CD82: variants seen among roughly 807,000 people sequenced by gnomAD.
CD82 encodes the protein CD82 antigen.
A neutral mutation model predicts 37.4 loss-of-function variants in CD82; 36 were observed. The ratio of observed to expected loss-of-function variants is 0.96; its 90% confidence interval spans 0.74 to 1.27. The LOEUF (loss-of-function observed/expected upper bound fraction) is 1.27. Ranked by LOEUF, CD82 falls within the 50% of genes most tolerant of loss-of-function variation. The pLI, the probability that CD82 is intolerant of heterozygous loss-of-function variation, is 0.00. For missense variants in CD82, 340 were observed against 347.0 expected (o/e 0.98, Z 0.16); for synonymous variants, 158 against 137.4 (o/e 1.15, Z -1.05).
chr11:44,565,296 C>G (rs868631960), upstream of CD82, among the ~76,000 whole-genome samples: 8 of 152,168 alleles, frequency 5.3e-5, 1 homozygote, highest in African/African-American at 4.8e-5. Flanking sequence ...TGGGAGGGCC[C>G]GGGAGGAGAC....
At chr11:44,584,152 C>A (rs1853020158) in intron 1 of CD82, among the ~76,000 whole-genome samples, 1 of 152,176 alleles carries the variant, frequency 6.6e-6, no homozygotes. Flanking sequence ...CTCCAACAAT[C>A]CCATGAGATG....
At chr11:44,609,111 A>G (rs1052239395) in intron 6 of CD82, among the ~76,000 whole-genome samples, 1 of 152,188 alleles carries the variant, frequency 6.6e-6, no homozygotes, top group African/African-American at 2.4e-5. Context: ...TAAGATCCTC[A>G]TCTGCTTGTT....
chr11:44,593,402 G>T (rs1853173812), intron 2 of CD82, among the ~76,000 whole-genome samples: 2 of 152,238 alleles, frequency 1.3e-5, no homozygotes, highest in Non-Finnish European at 2.9e-5. Flanking sequence ...CAGCTGTCCA[G>T]GCCCCAGCTG....
At chr11:44,596,118 C>T (rs548849475) in intron 3 of CD82, among the ~76,000 whole-genome samples, 10 of 152,348 alleles carry the variant, frequency 6.6e-5, no homozygotes, top group Admixed American at 5.9e-4. Flanking sequence ...CTGTGAGGCC[C>T]CACTGTGGCT....
chr11:44,615,583 G>A (rs542415406), intron 7 of CD82, among the ~76,000 whole-genome samples: 1 of 152,340 alleles, frequency 6.6e-6, no homozygotes, highest in Admixed American at 6.5e-5. Flanking sequence ...CAGCTTCACA[G>A]CTCTGTGCTC....
chr11:44,573,670 G>A (rs1451831706), intron 1 of CD82, among the ~76,000 whole-genome samples: 2 of 152,160 alleles, frequency 1.3e-5, no homozygotes, highest in Non-Finnish European at 2.9e-5. Context: ...GCCAGGAGAC[G>A]GTATGGCATG....
intron 9 of CD82, 44 bp from the exon 10 acceptor site, chr11:44,619,005 C>T (rs770993959): frequency 8.4e-6 from 13 of 1,545,444 alleles, no homozygotes; most frequent in Non-Finnish European, 1.8e-6. Context: ...GCGTCTGAGG[C>T]CGGGACACCC....
intron 6 of CD82, among the ~76,000 whole-genome samples, chr11:44,608,914 G>T (rs115170042): frequency 0.016 from 2,453 of 152,372 alleles, 76 homozygotes; most frequent in African/African-American, 0.057. Context: ...ACTAACAAAC[G>T]GGAAGGGCGT....
At chr11:44,610,265 C>T (rs538712857) in intron 6 of CD82, among the ~76,000 whole-genome samples, 1 of 152,280 alleles carries the variant, frequency 6.6e-6, no homozygotes, top group African/African-American at 2.4e-5. Flanking sequence ...TGATTTGTTC[C>T]TGTGGTCCTA....
Position 44,576,965 on chromosome 11 carries a change from G to A in CD82, c.-102-10510G>A, listed in dbSNP as rs538375125. Among the ~76,000 whole-genome samples the A allele has an allele frequency of 1.8e-4, 28 of 152,210 alleles. No homozygotes were observed. In the Middle Eastern group the frequency reaches 0.01, roughly 55 times the overall value. On this transcript the variant is annotated intron_variant, in intron 1 of 9. Transcript: ENST00000227155. ...ATCTTGAGCCCAGCCCCTAAGACGG[G>A]AGAACTCTTTCTCTCTATTCTCAGC...
At chr11:44,614,700 G>T (rs1853536157) in intron 6 of CD82, among the ~76,000 whole-genome samples, 1 of 152,196 alleles carries the variant, frequency 6.6e-6, no homozygotes, top group Non-Finnish European at 1.5e-5. Flanking sequence ...ATGGGGAAGG[G>T]CTGATATTTT....
chr11:44,588,732 T>C (rs2134644984), intron 2 of CD82, among the ~76,000 whole-genome samples: 1 of 152,074 alleles, frequency 6.6e-6, no homozygotes, highest in Non-Finnish European at 1.5e-5. Flanking sequence ...CCAACATGTG[T>C]CTTGGGGGTC....
At chr11:44,611,398 A>G (rs1035622028) in intron 6 of CD82, among the ~76,000 whole-genome samples, 4 of 152,112 alleles carry the variant, frequency 2.6e-5, no homozygotes, top group African/African-American at 9.7e-5. Flanking sequence ...TCCTCATCCT[A>G]CCACATTGAT....
chr11:44,597,556 T>C lies in CD82; in HGVS notation c.64-2602T>C, dbSNP rs1303841580. Among the ~76,000 whole-genome samples, 2 of 152,212 alleles carry C rather than the reference T, an allele frequency of 1.3e-5. No individual in the cohort carries two copies. The highest frequency in any genetic ancestry group is 3.8e-4 in the East Asian group (2 of 5,196). ...CAGACCTACAGAGGGACTGAATGGG[T>C]AGCCCCGGGGACTTTGCTCTCTGGG... On this transcript the variant is annotated intron_variant, in intron 3 of 9. Coordinates refer to ENST00000227155, the MANE Select transcript of CD82 (RefSeq NM_002231.4). This position sits in a 1 kb window ranked among gnomAD's most constrained non-coding sequence, Gnocchi z 4.1.
intron 3 of CD82, among the ~76,000 whole-genome samples, chr11:44,595,517 G>T (rs1853210458): frequency 6.6e-6 from 1 of 152,018 alleles, no homozygotes; most frequent in African/African-American, 2.4e-5. Context: ...AAAAAATCAG[G>T]TTGTACAGTA....
chr11:44,618,702 C>CGTGGGT lies in CD82; in HGVS notation c.710_715dup (p.Gly237_Val238dup), dbSNP rs745383395. The CGTGGGT allele has an allele frequency of 6.2e-7, 1 of 1,613,392 alleles. No individual in the cohort carries two copies. Among genetic ancestry groups the CGTGGGT allele is most frequent in the Non-Finnish European group, 8.5e-7 (1 of 1,179,768 alleles). On this transcript the variant is annotated inframe_insertion, in exon 9 of 10. Coordinates refer to ENST00000227155, the MANE Select transcript of CD82 (RefSeq NM_002231.4). ...ACCTGGGCATCATCCTCGGCGTGGG[C>CGTGGGT]GTGGGTGTGGCCATCATCGAGGTCT...
At chr11:44,609,252 T>G (rs1000106516) in intron 6 of CD82, among the ~76,000 whole-genome samples, 10 of 152,238 alleles carry the variant, frequency 6.6e-5, no homozygotes, top group African/African-American at 9.6e-5. Context: ...GGCGAGCTCT[T>G]GGGCCATGCC....
At chr11:44,579,056 G>C (rs1158702051) in intron 1 of CD82, among the ~76,000 whole-genome samples, 1 of 152,166 alleles carries the variant, frequency 6.6e-6, no homozygotes, top group Non-Finnish European at 1.5e-5. Flanking sequence ...GCTCAGAATG[G>C]CTGGACCAGA....
At chr11:44,606,315 C>T (rs1853395619) in intron 6 of CD82, 1 of 152,222 alleles carries the variant, frequency 6.6e-6, no homozygotes, top group East Asian at 1.9e-4. Context: ...CCCATTTCTA[C>T]AAACAAATTT....
Sources: allele counts gnomAD v4.1 joint callset (sites outside exome capture counted in the v4.1 genomes callset), GRCh38; gene constraint gnomAD v4.1.1; non-coding constraint Gnocchi (gnomAD v3.1); transcripts MANE v1.5; gene names NCBI Gene and HGNC (gene_info 2026-07-23, HGNC 2026-07-21).